Variants in STARD13 observed in about 807,000 individuals in gnomAD.
The protein encoded by STARD13 is stAR-related lipid transfer protein 13.
In STARD13, 62 loss-of-function variants were observed where a neutral mutation model predicts 106.4. That is an observed-to-expected ratio of 0.58 (90% CI 0.48 to 0.72). The LOEUF is 0.72. Ranked by LOEUF, STARD13 falls within the 30% of genes least tolerant of loss-of-function variation. The pLI, the probability that STARD13 is intolerant of heterozygous loss-of-function variation, is 0.00. For synonymous variants in STARD13, 565 were observed against 553.0 expected (o/e 1.02, Z -0.31); for missense variants, 1,387 against 1,424.0 (o/e 0.97, Z 0.42).
chr13:33,627,694 G>A, the STARD13 span, among the ~76,000 whole-genome samples: 1 of 151,882 alleles, frequency 6.6e-6, no homozygotes, highest in African/African-American at 2.4e-5. Context: ...TGTCCTTCAT[G>A]GCCCTGGACA....
the STARD13 span, among the ~76,000 whole-genome samples, chr13:33,670,245 C>T: frequency 6.6e-6 from 1 of 152,124 alleles, no homozygotes; most frequent in Non-Finnish European, 1.5e-5. Context: ...AATAATGTCA[C>T]CAAATATCAC....
chr13:33,488,627 A>G, the STARD13 span, among the ~76,000 whole-genome samples: 2 of 152,200 alleles, frequency 1.3e-5, no homozygotes, highest in Middle Eastern at 3.2e-3. Flanking sequence ...CATGAATTCT[A>G]TGCTTTTTCT....
the STARD13 span, among the ~76,000 whole-genome samples, chr13:33,553,411 G>A: frequency 6.6e-6 from 1 of 151,694 alleles, no homozygotes; most frequent in Non-Finnish European, 1.5e-5. Flanking sequence ...AAATGACATA[G>A]GACGTAAAGG....
intron 1 of STARD13, among the ~76,000 whole-genome samples, chr13:33,298,265 G>T (rs946426991): frequency 2.0e-5 from 3 of 151,480 alleles, no homozygotes; most frequent in Admixed American, 2.0e-4. Flanking sequence ...AAGTAGCTGG[G>T]ACTACAGGCA....
At chr13:33,255,644 G>A (rs1481930472) in intron 1 of STARD13, among the ~76,000 whole-genome samples, 1 of 152,102 alleles carries the variant, frequency 6.6e-6, no homozygotes, top group Non-Finnish European at 1.5e-5. Flanking sequence ...AAATCAGACT[G>A]AACCAGAGTG....
the STARD13 span, among the ~76,000 whole-genome samples, chr13:33,613,527 G>C: frequency 6.6e-6 from 1 of 152,228 alleles, no homozygotes; most frequent in African/African-American, 2.4e-5. Flanking sequence ...AGTCCCAGAG[G>C]AAGGGCGAAT....
At chr13:33,443,376 CAA>C in the STARD13 span, among the ~76,000 whole-genome samples, 12,352 of 94,576 alleles carry the variant, frequency 0.13, 548 homozygotes, top group Middle Eastern at 0.2. Flanking sequence ...GATTCTGTCT[CAA>C]AAAAAAAAAA....
the STARD13 span, among the ~76,000 whole-genome samples, chr13:33,568,467 A>G: frequency 6.7e-6 from 1 of 148,174 alleles, no homozygotes; most frequent in African/African-American, 2.5e-5. Context: ...ATTTTCTTAA[A>G]TATATCTGTC....
At chr13:33,450,969 A>G in the STARD13 span, among the ~76,000 whole-genome samples, 56 of 152,002 alleles carry the variant, frequency 3.7e-4, no homozygotes, top group African/African-American at 1.3e-3. Context: ...TGCAGTGTAG[A>G]CCTCCTGTGC....
chr13:33,557,740 C>T, the STARD13 span, among the ~76,000 whole-genome samples: 1 of 152,154 alleles, frequency 6.6e-6, no homozygotes, highest in African/African-American at 2.4e-5. Flanking sequence ...TTCTCTTCCA[C>T]TCCCACCACT....
At chr13:33,472,183 C>A in the STARD13 span, among the ~76,000 whole-genome samples, 3 of 151,728 alleles carry the variant, frequency 2.0e-5, no homozygotes, top group African/African-American at 7.3e-5. Flanking sequence ...TTTTAAAAAT[C>A]TTTTTATTTT....
the STARD13 span, among the ~76,000 whole-genome samples, chr13:33,534,707 A>G: frequency 6.6e-6 from 1 of 152,280 alleles, no homozygotes; most frequent in Non-Finnish European, 1.5e-5. Context: ...AATTCTTCTA[A>G]GTGTCTAGTA....
intron 1 of STARD13, among the ~76,000 whole-genome samples, chr13:33,254,695 C>T (rs576812217): frequency 9.9e-5 from 15 of 152,186 alleles, no homozygotes; most frequent in African/African-American, 3.6e-4. Flanking sequence ...TGTGGAATGA[C>T]GTGGCAGAGA....
At chr13:33,341,320 T>G (rs1368011354) in intron 1 of STARD13, among the ~76,000 whole-genome samples, 1 of 152,076 alleles carries the variant, frequency 6.6e-6, no homozygotes, top group African/African-American at 2.4e-5. Context: ...TTACAAAAAA[T>G]CATATTCTGC....
intron 1 of STARD13, among the ~76,000 whole-genome samples, chr13:33,227,533 T>C (rs1005218746): frequency 6.6e-6 from 1 of 152,132 alleles, no homozygotes; most frequent in African/African-American, 2.4e-5. Flanking sequence ...CCCAAACTAC[T>C]CTCTCATCAG....
At chr13:33,541,441 C>T in the STARD13 span, among the ~76,000 whole-genome samples, 3 of 152,158 alleles carry the variant, frequency 2.0e-5, no homozygotes, top group Non-Finnish European at 2.9e-5. Flanking sequence ...AATGATATTG[C>T]AATATCCCCC....
At chr13:33,464,803 C>A in the STARD13 span, among the ~76,000 whole-genome samples, 8 of 152,210 alleles carry the variant, frequency 5.3e-5, no homozygotes, top group Admixed American at 2.0e-4. Flanking sequence ...GAGCTAAGAT[C>A]ATGCCATGGG....
At chr13:33,275,192 GA>G (rs918230041) in intron 1 of STARD13, among the ~76,000 whole-genome samples, 5 of 151,590 alleles carry the variant, frequency 3.3e-5, no homozygotes, top group African/African-American at 9.7e-5. Context: ...TACAGTTTAA[GA>G]AAAAAAACCT....
chr13:33,544,312 A>C, the STARD13 span, among the ~76,000 whole-genome samples: 4 of 152,194 alleles, frequency 2.6e-5, no homozygotes, highest in African/African-American at 7.2e-5. Context: ...ATTATAAAAA[A>C]TGATCATCTC....
Sources: gnomAD v4.1 joint callset for allele counts (sites outside exome capture counted in the v4.1 genomes callset) on GRCh38, gnomAD v4.1.1 for gene constraint, MANE v1.5 for transcripts, NCBI Gene and HGNC (gene_info 2026-07-23, HGNC 2026-07-21) for gene names.